ACACB: variants seen among roughly 807,000 people sequenced by gnomAD.
ACACB encodes acetyl-CoA carboxylase beta.
ACACB carries 209 observed loss-of-function variants against 278.8 expected under a neutral mutation model. The ratio of observed to expected loss-of-function variants is 0.75; its 90% confidence interval spans 0.67 to 0.84. The LOEUF (loss-of-function observed/expected upper bound fraction) is 0.84. ACACB is among the 40% of genes least tolerant of loss of function. ACACB has a pLI of 0.00. For missense variants in ACACB, 2,850 were observed against 3,269.0 expected (o/e 0.87, Z 3.13); for synonymous variants, 1,174 against 1,285.6 (o/e 0.91, Z 1.86).
chr12:109,223,827 T>C lies in ACACB; in HGVS notation c.3805T>C (p.Ser1269Pro). The C allele has an allele frequency of 6.2e-7, 1 of 1,613,826 alleles. No individual in the cohort carries two copies. The highest frequency in any genetic ancestry group is 8.5e-7 in the Non-Finnish European group (1 of 1,179,700). ...CPENLKKLIL[S>P]ETTIFDVLPT... ...TCATTTCCCTTAGAAATTAATACTTTCGGAAACAACCATCTTCGACGTCCT... is the reference window on the plus strand; with the variant it reads ...TCATTTCCCTTAGAAATTAATACTTCCGGAAACAACCATCTTCGACGTCCT... Residue 1269 changes from serine to proline, a missense_variant, in exon 27 of 53, where the codon TCG becomes CCG. Physicochemically the swap from Ser to Pro is moderately conservative, Grantham distance 74. Around this residue, in one of 3 missense-constraint regions of ACACB, gnomAD observed 2,265 missense variants for 2,561.3 expected, o/e 0.88. Coordinates refer to ENST00000338432, the MANE Select transcript of ACACB (RefSeq NM_001093.4).
chr12:109,208,031 G>A (rs2045572566), intron 20 of ACACB, among the ~76,000 whole-genome samples: 1 of 151,958 alleles, frequency 6.6e-6, no homozygotes. Context: ...CCCAGCAACC[G>A]ATAAGGTAGG....
chr12:109,149,182 C>T (rs530230410), intron 2 of ACACB, among the ~76,000 whole-genome samples: 1 of 152,248 alleles, frequency 6.6e-6, no homozygotes, highest in East Asian at 1.9e-4. Flanking sequence ...CTTCCCCCAG[C>T]GGGTAAGAGG....
chr12:109,190,213 C>T (rs1310333738), intron 13 of ACACB, among the ~76,000 whole-genome samples: 3 of 152,194 alleles, frequency 2.0e-5, no homozygotes, highest in Admixed American at 6.5e-5. Flanking sequence ...CTCAGCTTCC[C>T]GAGTAGCTGG....
intron 9 of ACACB, among the ~76,000 whole-genome samples, chr12:109,177,910 G>A (rs776886040): frequency 7.2e-5 from 11 of 152,164 alleles, no homozygotes; most frequent in Non-Finnish European, 1.6e-4. Flanking sequence ...AGAATAGAGA[G>A]TTCCCACATA....
rs1201981027 is a variant in ACACB, at chr12:109,172,002, G to A, written c.1035+88G>A. The A allele has an allele frequency of 6.2e-6, 7 of 1,129,022 alleles. No homozygotes were observed. In the Admixed American group the frequency reaches 9.6e-5, roughly 15 times the overall value. 69.9% of individuals were successfully genotyped at this position (1,129,022 alleles called of 1,614,324 possible). On this transcript the variant is annotated intron_variant, in intron 5 of 52. Transcript: ENST00000338432. ...TTCAATTCCACAGTTCACAAGGGGT[G>A]GAGGGTCCAGATCCCACAAGGCTCC...
chr12:109,151,125 C>T (rs920482959), intron 2 of ACACB, among the ~76,000 whole-genome samples: 2 of 151,974 alleles, frequency 1.3e-5, no homozygotes, highest in African/African-American at 4.8e-5. Flanking sequence ...GCTGGGATTA[C>T]AGGCATGCAC....
intron 13 of ACACB, among the ~76,000 whole-genome samples, chr12:109,190,679 G>A (rs961606723): frequency 6.6e-6 from 1 of 151,828 alleles, no homozygotes; most frequent in African/African-American, 2.4e-5. Context: ...CCAGGCTGGA[G>A]TGCAATGGTG....
At position 109,161,279 on chromosome 12, in the gene ACACB, C is replaced by T. The variant is rs546252630; in HGVS notation, c.654-5582C>T. 6.2e-4 allele frequency among the ~76,000 whole-genome samples: 95 copies of T among 152,200 alleles called. 1 individual carries two copies. Among genetic ancestry groups the T allele is most frequent in the Admixed American group, 1.4e-3 (22 of 15,276 alleles). On this transcript the variant is annotated intron_variant, in intron 2 of 52. Coordinates refer to ENST00000338432, the MANE Select transcript of ACACB (RefSeq NM_001093.4). The stretch of plus-strand genomic sequence containing the variant: ...AGCAAGGAGTCCAGTTGTGGGGTCT[C>T]ACGCCTGTAATCCCAGCACTTTGGG...
At chr12:109,135,988 T>G (rs1195369548) in intron 1 of ACACB, among the ~76,000 whole-genome samples, 1 of 151,672 alleles carries the variant, frequency 6.6e-6, no homozygotes, top group East Asian at 1.9e-4. Flanking sequence ...TTTTTTTGTA[T>G]TTTTAGTAGA....
intron 50 of ACACB, 64 bp downstream of exon 50, chr12:109,264,450 C>A: frequency 3.1e-4 from 351 of 1,119,198 alleles, no homozygotes; most frequent in Middle Eastern, 4.5e-4. Flanking sequence ...ACATGGAGGA[C>A]ATTTGGGCTC....
In ACACB at chr12:109,212,997, C is replaced by T. The variant is rs549675898; in HGVS notation, c.3350+61C>T. ...ACCTGAATCGTCGCATGCATTGCAC[C>T]AGGGTGGTGCTCTGGGGCTGTCTTC... On this transcript the variant is annotated intron_variant, in intron 22 of 52. Coordinates refer to ENST00000338432, the MANE Select transcript of ACACB (RefSeq NM_001093.4). The T allele has an allele frequency of 4.8e-6, 7 of 1,455,492 alleles. No homozygotes were observed. The South Asian group carries it at 8.0e-5, about 17-fold the overall frequency. 90.2% of individuals were successfully genotyped at this position (1,455,492 alleles called of 1,614,324 possible).
Position 109,206,723 on chromosome 12 carries a change from C to T in ACACB, c.2927C>T (p.Thr976Ile), listed in dbSNP as rs1030324410. The T allele has an allele frequency of 3.1e-6, 5 of 1,614,086 alleles. No homozygotes were observed. Among genetic ancestry groups the T allele is most frequent in the Admixed American group, 1.7e-5 (1 of 60,020 alleles). Residue 976 changes from threonine to isoleucine, a missense_variant, in exon 20 of 53, where the codon ACA (threonine) becomes ATA (isoleucine). Thr to Ile is a moderately conservative substitution (Grantham distance 89, BLOSUM62 -1). Coordinates refer to ENST00000338432, the MANE Select transcript of ACACB (RefSeq NM_001093.4). The stretch of plus-strand genomic sequence containing the variant: ...GTGTCTCATCAGGCTGAACCGTTCA[C>T]AGGAGAACTCCCTGCCCAGCAGACA... ...PSKVHPAEPF[T>I]GELPAQQTLP...
intron 39 of ACACB, among the ~76,000 whole-genome samples, chr12:109,246,724 C>G (rs1179622834): frequency 6.6e-6 from 1 of 152,068 alleles, no homozygotes; most frequent in Non-Finnish European, 1.5e-5. Context: ...ACTGAGCGCT[C>G]CTGAATGCAG....
At chr12:109,172,755 A>G (rs1380975840) in intron 6 of ACACB, among the ~76,000 whole-genome samples, 1 of 152,224 alleles carries the variant, frequency 6.6e-6, no homozygotes, top group Non-Finnish European at 1.5e-5. Flanking sequence ...GAAAACAGTG[A>G]GGCAATTCCT....
At position 109,258,960 on chromosome 12, in the gene ACACB, C is replaced by G. The variant is rs752587185; in HGVS notation, c.6361-13C>G. On this transcript the variant is annotated splice_polypyrimidine_tract_variant and intron_variant, in intron 46 of 52. Coordinates refer to ENST00000338432, the MANE Select transcript of ACACB (RefSeq NM_001093.4). ...GTGCAGAGACATCTGATCCCCGCAGCTCTGTGTTCCAGATAATTCAGCAGG... is the reference window on the plus strand; with the variant it reads ...GTGCAGAGACATCTGATCCCCGCAGGTCTGTGTTCCAGATAATTCAGCAGG... 9.3e-6 allele frequency: 15 copies of G among 1,613,704 alleles called. No homozygotes were observed. The highest frequency in any genetic ancestry group is 1.3e-5 in the Non-Finnish European group (15 of 1,179,840).
In ACACB at chr12:109,262,471, T is replaced by A. The variant is rs2047404318; in HGVS notation, c.6787+2T>A. 6.2e-7 allele frequency: 1 copy of A among 1,609,064 alleles called. No individual in the cohort carries two copies. The highest frequency in any genetic ancestry group is 1.3e-5 in the African/African-American group (1 of 74,758). On this transcript the variant is annotated splice_donor_variant, in intron 49 of 52. Coordinates refer to ENST00000338432, the MANE Select transcript of ACACB (RefSeq NM_001093.4). LOFTEE classifies it high-confidence loss of function. Reference sequence around the variant, plus strand: ...ACAAGAAGCTCATGGAACAGCTAGGTAAGGGGGTCCCAAAGGCTTCACCTC... The same window carrying A: ...ACAAGAAGCTCATGGAACAGCTAGGAAAGGGGGTCCCAAAGGCTTCACCTC...
Position 109,256,206 on chromosome 12 carries a change from G to T in ACACB, c.6233G>T (p.Trp2078Leu). 7 of 1,613,978 alleles carry T rather than the reference G, an allele frequency of 4.3e-6. No homozygotes were observed. The highest frequency in any genetic ancestry group is 5.9e-6 in the Non-Finnish European group (7 of 1,179,904). Residue 2078 changes from tryptophan (W) to leucine (L), a missense_variant, in exon 45 of 53, where the codon TGG (tryptophan) becomes TTG (leucine). Trp to Leu is a moderately conservative substitution (Grantham distance 61). This residue lies in a region of ACACB where 579 missense variants were observed against 684.6 expected (regional missense o/e 0.85). Coordinates refer to ENST00000338432, the MANE Select transcript of ACACB (RefSeq NM_001093.4). ...AGTTTCAAGGAAATCATGGCACCCT[G>T]GGCGCAGACCGTGGTGACAGGACGA... is the stretch of plus-strand genomic sequence containing the variant. ...HGSFKEIMAP[W>L]AQTVVTGRAR...
chr12:109,171,590 T>C (rs1474842148), intron 4 of ACACB, among the ~76,000 whole-genome samples: 3 of 152,208 alleles, frequency 2.0e-5, no homozygotes, highest in African/African-American at 7.2e-5. Flanking sequence ...CCTCAGGCCA[T>C]CTGCCTGCCT....
Position 109,139,765 on chromosome 12 carries a change from T to C in ACACB, c.360T>C (p.Thr120=). The C allele has an allele frequency of 6.2e-7, 1 of 1,614,170 alleles. No homozygotes were observed. The highest frequency in any genetic ancestry group is 2.2e-5 in the East Asian group (1 of 44,874). The change falls in exon 2 of 53, where the codon ACT becomes ACC. Residue 120 remains threonine (T), a synonymous_variant. Coordinates refer to ENST00000338432, the MANE Select transcript of ACACB (RefSeq NM_001093.4). ...APSPELQANG[T]GTQGLEATDT... is the part of the protein sequence containing the mutation. Reference sequence around the variant, plus strand: ...CCCCAGAGCTTCAAGCCAACGGGACTGGGACACAAGGTCTGGAGGCCACAG... The same window carrying C: ...CCCCAGAGCTTCAAGCCAACGGGACCGGGACACAAGGTCTGGAGGCCACAG...
Sources: gnomAD v4.1 joint callset for allele counts (sites outside exome capture counted in the v4.1 genomes callset) on GRCh38, gnomAD v4.1.1 for gene constraint, gnomAD v4.1.1 regional missense constraint, MANE v1.5 for transcripts, NCBI Gene and HGNC (gene_info 2026-07-23, HGNC 2026-07-21) for gene names.